Variants in RALGAPA2 observed in about 807,000 individuals in gnomAD.
RALGAPA2 encodes the protein Ral GTPase activating protein catalytic subunit alpha 2, also known as ral GTPase-activating protein subunit alpha-2.
In RALGAPA2, 139 loss-of-function variants were observed where a neutral mutation model predicts 230.4. That is an observed-to-expected ratio of 0.60 (90% CI 0.53 to 0.69). The LOEUF is 0.69. Among genes scored for constraint, RALGAPA2 ranks in the 30% least tolerant of loss-of-function variants. The pLI, the probability that RALGAPA2 is intolerant of heterozygous loss-of-function variation, is 0.00. For synonymous variants in RALGAPA2, 847 were observed against 837.8 expected, an observed-to-expected ratio of 1.01 and a Z score of -0.19; for missense variants, 2,163 against 2,276.0, an observed-to-expected ratio of 0.95 and a Z score of 1.01.
intron 1 of RALGAPA2, among the ~76,000 whole-genome samples, chr20:20,682,172 T>TA (rs780371461): frequency 3.3e-5 from 5 of 152,216 alleles, no homozygotes; most frequent in African/African-American, 9.7e-5. Context: ...TATAAAGTCT[T>TA]ATGAGCTGCC....
At chr20:20,476,233 A>G (rs1458385740) in intron 36 of RALGAPA2, among the ~76,000 whole-genome samples, 2 of 152,206 alleles carry the variant, frequency 1.3e-5, no homozygotes, top group Non-Finnish European at 2.9e-5. Context: ...AATACTTCTA[A>G]GTTCATAAGG....
In RALGAPA2 at chr20:20,400,407, G is replaced by A. The variant is rs146797704; in HGVS notation, c.5618-3673C>T. Among the ~76,000 whole-genome samples, 497 of 152,310 alleles carry A rather than the reference G, an allele frequency of 3.3e-3. 1 individual carries two copies. Among genetic ancestry groups the A allele is most frequent in the Non-Finnish European group, 5.5e-3 (376 of 68,020 alleles). ...GGGAGGAAGGGAAAGTGCATGGAGC[G>A]TGTGCCTGTATACGTGCTGCTCCCG... On this transcript the variant is annotated intron_variant, in intron 38 of 39. Transcript: ENST00000202677.
At chr20:20,396,608 C>T in intron 39 of RALGAPA2, 87 bp downstream of exon 39, 1 of 1,275,106 alleles carries the variant, frequency 7.8e-7, no homozygotes, top group East Asian at 2.6e-5. Flanking sequence ...GATGCAGGGT[C>T]CGCTACCGAG....
At chr20:20,518,579 T>C (rs1016592117) in intron 31 of RALGAPA2, among the ~76,000 whole-genome samples, 2 of 152,214 alleles carry the variant, frequency 1.3e-5, no homozygotes, top group African/African-American at 4.8e-5. Context: ...CAGTGAATTT[T>C]AAAAACTCCT....
intron 31 of RALGAPA2, among the ~76,000 whole-genome samples, chr20:20,515,170 T>C (rs958540889): frequency 6.6e-6 from 1 of 152,218 alleles, no homozygotes; most frequent in African/African-American, 2.4e-5. Context: ...AAGGATCAAG[T>C]ATATACCTAG....
chr20:20,565,484 G>T (rs2064385983), intron 23 of RALGAPA2, among the ~76,000 whole-genome samples: 2 of 152,146 alleles, frequency 1.3e-5, no homozygotes, highest in African/African-American at 4.8e-5. Context: ...TGCTCACTGA[G>T]GGGCCTCATG....
In RALGAPA2 at chr20:20,591,170, C is replaced by G. The variant is rs746950432; in HGVS notation, c.2341+7G>C. On this transcript the variant is annotated splice_region_variant and intron_variant, in intron 17 of 39. Coordinates refer to ENST00000202677, the MANE Select transcript of RALGAPA2 (RefSeq NM_020343.4). ...GTTCTGTATTAAACACTGAAGACATCATGTACCCTGAGAAGAATCTGAGCA... is the reference window on the plus strand; with the variant it reads ...GTTCTGTATTAAACACTGAAGACATGATGTACCCTGAGAAGAATCTGAGCA... 6.3e-7 allele frequency: 1 copy of G among 1,597,714 alleles called. No individual in the cohort carries two copies. The highest frequency in any genetic ancestry group is 8.5e-7 in the Non-Finnish European group (1 of 1,174,668).
intron 3 of RALGAPA2, among the ~76,000 whole-genome samples, chr20:20,666,281 T>C (rs1354794752): frequency 1.3e-5 from 2 of 152,204 alleles, no homozygotes; most frequent in African/African-American, 4.8e-5. Flanking sequence ...TTTTTCTCAA[T>C]TGCAATCAGT....
chr20:20,594,725 TTTC>T (rs1363944671), intron 16 of RALGAPA2, among the ~76,000 whole-genome samples: 4 of 149,304 alleles, frequency 2.7e-5, no homozygotes, highest in East Asian at 4.2e-4. Context: ...AAACTATTAC[TTTC>T]TTTTTTTTTT....
intron 38 of RALGAPA2, 96 bp from the exon 39 acceptor site, chr20:20,396,830 C>T (rs2059730281): frequency 9.5e-7 from 1 of 1,050,848 alleles, no homozygotes; most frequent in Non-Finnish European, 1.4e-6. Flanking sequence ...ACATTTATCC[C>T]TGAGCTGCCC....
At chr20:20,543,108 G>A (rs1261826610) in intron 24 of RALGAPA2, among the ~76,000 whole-genome samples, 1 of 151,904 alleles carries the variant, frequency 6.6e-6, no homozygotes, top group Non-Finnish European at 1.5e-5. Context: ...GCAGTGGTGC[G>A]ATCTTGACTT....
intron 37 of RALGAPA2, among the ~76,000 whole-genome samples, chr20:20,453,850 A>AAAATGC (rs1271323067): frequency 6.6e-6 from 1 of 152,258 alleles, no homozygotes; most frequent in East Asian, 1.9e-4. Flanking sequence ...ACTAACGAAA[A>AAAATGC]AAATGCTTTT....
At chr20:20,685,274 T>C (rs1205719548) in intron 1 of RALGAPA2, among the ~76,000 whole-genome samples, 2 of 152,098 alleles carry the variant, frequency 1.3e-5, no homozygotes, top group Non-Finnish European at 2.9e-5. Context: ...CCCGAGGCCC[T>C]CAGGGGTGCA....
At chr20:20,516,412 A>C (rs1317139472) in intron 31 of RALGAPA2, among the ~76,000 whole-genome samples, 2 of 152,242 alleles carry the variant, frequency 1.3e-5, no homozygotes, top group Non-Finnish European at 2.9e-5. Context: ...TCATGGCTGC[A>C]AGCTAGCTGA....
Position 20,608,118 on chromosome 20 carries a change from C to T in RALGAPA2, c.1801-2706G>A, listed in dbSNP as rs577204984. On this transcript the variant is annotated intron_variant, in intron 14 of 39. Coordinates refer to ENST00000202677, the MANE Select transcript of RALGAPA2 (RefSeq NM_020343.4). ...AGTGCATAAGAGCTTCTCCAAGGTT[C>T]CTTCAGTACTGAAATTTGATGTTTT... is the stretch of plus-strand genomic sequence containing the variant. 3.2e-4 allele frequency among the ~76,000 whole-genome samples: 49 copies of T among 152,254 alleles called. 1 individual carries two copies. Among genetic ancestry groups the T allele is most frequent in the Non-Finnish European group, 5.3e-4 (36 of 68,022 alleles).
At chr20:20,604,621 C>T (rs1285277406) in intron 15 of RALGAPA2, among the ~76,000 whole-genome samples, 1 of 152,132 alleles carries the variant, frequency 6.6e-6, no homozygotes, top group Non-Finnish European at 1.5e-5. Flanking sequence ...CCAAGAATGG[C>T]TTTGAGTGTA....
chr20:20,480,997 A>G (rs1191674716), intron 36 of RALGAPA2, among the ~76,000 whole-genome samples: 3 of 152,162 alleles, frequency 2.0e-5, no homozygotes, highest in African/African-American at 4.8e-5. Flanking sequence ...TTCCTTGACT[A>G]AAGAAGTACA....
intron 5 of RALGAPA2, among the ~76,000 whole-genome samples, chr20:20,641,131 C>T (rs1186944387): frequency 2.6e-5 from 4 of 152,114 alleles, no homozygotes; most frequent in Non-Finnish European, 5.9e-5. Context: ...CCATGGAGAA[C>T]CACTTAACTT....
chr20:20,408,404 A>C (rs1182699996), intron 38 of RALGAPA2, among the ~76,000 whole-genome samples: 2 of 152,244 alleles, frequency 1.3e-5, no homozygotes, highest in African/African-American at 2.4e-5. Flanking sequence ...CACAATCTTT[A>C]AGGCAGTTCT....
Sources: gnomAD v4.1 joint callset for allele counts (sites outside exome capture counted in the v4.1 genomes callset) on GRCh38, gnomAD v4.1.1 for gene constraint, MANE v1.5 for transcripts, NCBI Gene and HGNC (gene_info 2026-07-23, HGNC 2026-07-21) for gene names.